IKZF2: variants seen among roughly 807,000 people sequenced by gnomAD.
IKZF2 encodes zinc finger protein Helios.
A neutral mutation model predicts 49.2 loss-of-function variants in IKZF2; 15 were observed. The ratio of observed to expected loss-of-function variants is 0.30; its 90% CI spans 0.20 to 0.47. IKZF2 has a LOEUF of 0.47. IKZF2 is among the 20% of genes least tolerant of loss of function. The pLI, the probability that IKZF2 is intolerant of heterozygous loss-of-function variation, is 1.00. For missense variants in IKZF2, 567 were observed against 664.6 expected (o/e 0.85, Z 1.61); for synonymous variants, 227 against 221.4 (o/e 1.03, Z -0.23).
At chr2:213,105,250 A>T (rs1028558358) in intron 4 of IKZF2, among the ~76,000 whole-genome samples, 1 of 152,088 alleles carries the variant, frequency 6.6e-6, no homozygotes, top group Non-Finnish European at 1.5e-5. Context: ...CACAGAAACC[A>T]GTTCCCTAGA....
intron 4 of IKZF2, among the ~76,000 whole-genome samples, chr2:213,114,308 T>C (rs559690346): frequency 6.6e-5 from 10 of 152,170 alleles, no homozygotes; most frequent in South Asian, 2.1e-4. Flanking sequence ...CTTTGAGAGA[T>C]CCTAAATGTA....
chr2:213,000,252 T>TATATATA lies in IKZF2; in HGVS notation c.*7107_*7108insTATATAT, dbSNP rs1553537457. The TATATATA allele has an allele frequency of 2.8e-5, 4 of 142,962 alleles. No individual in the cohort carries two copies. Among genetic ancestry groups the TATATATA allele is most frequent in the South Asian group, 2.2e-4 (1 of 4,596 alleles). The allele number at this position is 142,962 out of a possible 1,614,324, so 8.9% of individuals were successfully genotyped here. A position where few individuals can be genotyped will look rare whatever the true frequency, so the allele number is the denominator to read the frequency against. ...TGGAATTTTAACTTTACATATATAT[T>TATATATA]TATATATATATATATATATTTCTTT... On this transcript the variant is annotated 3_prime_UTR_variant, in exon 9 of 9. Transcript: ENST00000434687.
chr2:213,076,308 T>A (rs528298126), intron 4 of IKZF2, among the ~76,000 whole-genome samples: 1 of 152,252 alleles, frequency 6.6e-6, no homozygotes, highest in Admixed American at 6.5e-5. Flanking sequence ...AAAACTACTA[T>A]ATAATCTCAT....
chr2:213,019,236 C>T (rs1696937199), intron 7 of IKZF2, among the ~76,000 whole-genome samples: 2 of 151,942 alleles, frequency 1.3e-5, no homozygotes, highest in South Asian at 2.1e-4. Flanking sequence ...TTTTTAAAAA[C>T]AAGTAATAGT....
At chr2:213,151,765 G>A (rs1010110688), upstream of IKZF2, among the ~76,000 whole-genome samples, 9 of 146,442 alleles carry the variant, frequency 6.1e-5, no homozygotes, top group African/African-American at 2.0e-4. Flanking sequence ...GCGGGCAGCG[G>A]AGCCCCGGGC....
intron 4 of IKZF2, among the ~76,000 whole-genome samples, chr2:213,060,027 A>T (rs1262981681): frequency 2.0e-5 from 3 of 151,370 alleles, no homozygotes; most frequent in African/African-American, 4.8e-5. Flanking sequence ...ACATTTTAAT[A>T]TACGCATGTC....
chr2:213,052,364 A>T (rs1448823053), intron 5 of IKZF2, among the ~76,000 whole-genome samples: 3 of 151,980 alleles, frequency 2.0e-5, no homozygotes, highest in African/African-American at 7.2e-5. Flanking sequence ...TTTTTTTGGT[A>T]AGAGAAAAGG....
intron 4 of IKZF2, among the ~76,000 whole-genome samples, chr2:213,122,299 C>T (rs1263940112): frequency 6.6e-6 from 1 of 152,214 alleles, no homozygotes; most frequent in Non-Finnish European, 1.5e-5. Flanking sequence ...TATCTTAGCT[C>T]CTTGGAGCAA....
intron 6 of IKZF2, among the ~76,000 whole-genome samples, chr2:213,023,977 C>T (rs1007620718): frequency 3.9e-5 from 6 of 152,112 alleles, no homozygotes; most frequent in African/African-American, 1.4e-4. Flanking sequence ...GCTCACAACC[C>T]TCTAAAAGTC....
At chr2:213,128,019 AAATAGATTTGTGAAATACCAC>A (rs2060326176) in intron 4 of IKZF2, among the ~76,000 whole-genome samples, 1 of 152,218 alleles carries the variant, frequency 6.6e-6, no homozygotes, top group Non-Finnish European at 1.5e-5. Context: ...TTATAAAATA[AAATAGATTTGTGAAATACCAC>A]AATAGATTTG....
intron 6 of IKZF2, among the ~76,000 whole-genome samples, chr2:213,038,570 T>G (rs1273140212): frequency 1.3e-5 from 2 of 148,472 alleles, no homozygotes; most frequent in Admixed American, 1.3e-4. Flanking sequence ...GTACTTTTTT[T>G]CTGGAAGTCA....
chr2:213,133,993 A>G (rs2060567529), intron 4 of IKZF2, among the ~76,000 whole-genome samples: 1 of 152,228 alleles, frequency 6.6e-6, no homozygotes, highest in South Asian at 2.1e-4. Context: ...TTCTTCAACA[A>G]TGATACACAT....
At chr2:213,041,890 C>T (rs1260572687) in intron 6 of IKZF2, among the ~76,000 whole-genome samples, 1 of 151,936 alleles carries the variant, frequency 6.6e-6, no homozygotes, top group East Asian at 1.9e-4. Context: ...AATACTAAAA[C>T]AAACAAACAA....
rs112182409 is a variant in IKZF2 at position 213,017,844 on chromosome 2, T to C, written c.713-3910A>G. Among the ~76,000 whole-genome samples, 79 of 152,304 alleles carry C rather than the reference T, an allele frequency of 5.2e-4. 1 individual carries two copies. The highest frequency in any genetic ancestry group is 1.7e-3 in the African/African-American group (71 of 41,570). On this transcript the variant is annotated intron_variant, in intron 7 of 8. Coordinates refer to ENST00000434687, the MANE Select transcript of IKZF2 (RefSeq NM_001387220.1). ...TACTGGTCTATCTTCCAATAGCTGG[T>C]AAATAACCTCAGGGGTTGCATTCTG... is the stretch of plus-strand genomic sequence containing the variant.
chr2:213,139,447 C>A (rs912859386), intron 4 of IKZF2, among the ~76,000 whole-genome samples: 1 of 151,918 alleles, frequency 6.6e-6, no homozygotes, highest in Non-Finnish European at 1.5e-5. Context: ...TATTCAGATT[C>A]CTTGCTCAGT....
chr2:213,020,597 T>C (rs1302722227), intron 7 of IKZF2, among the ~76,000 whole-genome samples: 1 of 152,184 alleles, frequency 6.6e-6, no homozygotes, highest in Non-Finnish European at 1.5e-5. Context: ...TTAATGATGA[T>C]AATATAAAAA....
chr2:213,109,413 A>C (rs1307481112), intron 4 of IKZF2, among the ~76,000 whole-genome samples: 1 of 152,098 alleles, frequency 6.6e-6, no homozygotes, highest in African/African-American at 2.4e-5. Context: ...AGATGCTTGC[A>C]TTGAAGATAC....
At chr2:213,019,833 G>C (rs1697013261) in intron 7 of IKZF2, among the ~76,000 whole-genome samples, 2 of 152,142 alleles carry the variant, frequency 1.3e-5, no homozygotes, top group Non-Finnish European at 2.9e-5. Flanking sequence ...GTAAGACTGA[G>C]GCCCCAGTTG....
chr2:213,070,353 T>A (rs976657522), intron 4 of IKZF2, among the ~76,000 whole-genome samples: 10 of 152,102 alleles, frequency 6.6e-5, no homozygotes, highest in African/African-American at 2.4e-4. Flanking sequence ...AGGAATAGAA[T>A]CCTGAAGAAT....
Sources: allele counts gnomAD v4.1 joint callset (sites outside exome capture counted in the v4.1 genomes callset), GRCh38; gene constraint gnomAD v4.1.1; transcripts MANE v1.5; gene names NCBI Gene and HGNC (gene_info 2026-07-23, HGNC 2026-07-21).